Variants in SOX6 observed in about 807,000 individuals in gnomAD.
SOX6 encodes transcription factor SOX-6.
A neutral mutation model predicts 97.8 loss-of-function variants in SOX6; 11 were observed. That is an observed-to-expected ratio of 0.11 (90% CI 0.07 to 0.19). The LOEUF (loss-of-function observed/expected upper bound fraction) is 0.19. Among genes scored for constraint, SOX6 ranks in the 10% least tolerant of loss-of-function variants. SOX6 has a pLI of 1.00. For missense variants in SOX6, 810 were observed against 1,039.5 expected, an observed-to-expected ratio of 0.78 and a Z score of 3.04; for synonymous variants, 360 against 371.4, an observed-to-expected ratio of 0.97 and a Z score of 0.35.
chr11:16,626,075 A>C (rs1163648019), intron 3 of SOX6, among the ~76,000 whole-genome samples: 2 of 152,142 alleles, frequency 1.3e-5, no homozygotes, highest in Non-Finnish European at 2.9e-5. Flanking sequence ...AGCTGATATA[A>C]TCTCTAGGTA....
At chr11:16,255,954 T>C (rs944746958) in intron 3 of SOX6, among the ~76,000 whole-genome samples, 1 of 151,852 alleles carries the variant, frequency 6.6e-6, no homozygotes, top group Non-Finnish European at 1.5e-5. Flanking sequence ...AGCCACAAAC[T>C]TGATAGCCTA....
intron 1 of SOX6, among the ~76,000 whole-genome samples, chr11:16,454,619 C>T (rs190077307): frequency 5.3e-5 from 8 of 152,044 alleles, no homozygotes; most frequent in Non-Finnish European, 5.9e-5. Flanking sequence ...TGTCAAAAGG[C>T]GAGTTGGACT....
chr11:16,389,691 G>T (rs1318119472), intron 1 of SOX6, among the ~76,000 whole-genome samples: 1 of 151,892 alleles, frequency 6.6e-6, no homozygotes, highest in Non-Finnish European at 1.5e-5. Flanking sequence ...GCTTACGGCC[G>T]GGTGCGGTGG....
chr11:16,208,862 A>G (rs927218345), intron 4 of SOX6, among the ~76,000 whole-genome samples: 3 of 152,250 alleles, frequency 2.0e-5, no homozygotes, highest in Non-Finnish European at 2.9e-5. Context: ...GGATTTTAAT[A>G]TCATGTAATA....
intron 1 of SOX6, among the ~76,000 whole-genome samples, chr11:16,378,718 A>C (rs1233581092): frequency 1.3e-5 from 2 of 152,076 alleles, no homozygotes; most frequent in Non-Finnish European, 2.9e-5. Context: ...ATTTCTAAAA[A>C]TGGTTCTAAA....
At chr11:16,067,076 C>T (rs979486271) in intron 9 of SOX6, among the ~76,000 whole-genome samples, 2 of 152,176 alleles carry the variant, frequency 1.3e-5, no homozygotes, top group South Asian at 2.1e-4. Context: ...AATTAACTAA[C>T]TTGCTTCTGA....
At chr11:16,548,766 G>A (rs778324085) in intron 4 of SOX6, among the ~76,000 whole-genome samples, 1 of 152,050 alleles carries the variant, frequency 6.6e-6, no homozygotes, top group Non-Finnish European at 1.5e-5. Flanking sequence ...GTACAACATA[G>A]TGACTATAGT....
rs768216845 is a variant in SOX6 at position 16,318,518 on chromosome 11, C to A, written c.373G>T (p.Gly125Trp). Residue 125 changes from glycine (G) to tryptophan (W), a missense_variant, in exon 3 of 16, where the codon GGG (glycine) becomes TGG (tryptophan). Coordinates refer to ENST00000683767, the MANE Select transcript of SOX6 (RefSeq NM_001367873.1). Reference protein sequence around the residue: ...VTFGTPERRKGSLADVVDTLK... With the variant: ...VTFGTPERRKWSLADVVDTLK... Reference sequence around the variant, plus strand: ...GTGTCCACCACATCGGCAAGACTCCCTTTGCGGCGCTCTGGGGTTCCAAAA... The same window carrying A: ...GTGTCCACCACATCGGCAAGACTCCATTTGCGGCGCTCTGGGGTTCCAAAA... 4.2e-5 allele frequency: 68 copies of A among 1,613,580 alleles called. No individual in the cohort carries two copies. Among genetic ancestry groups the A allele is most frequent in the Non-Finnish European group, 8.5e-7 (1 of 1,179,792 alleles).
chr11:16,425,993 T>C (rs182557418), intron 1 of SOX6, among the ~76,000 whole-genome samples: 1 of 151,746 alleles, frequency 6.6e-6, no homozygotes, highest in Admixed American at 6.6e-5. Context: ...GCAGTGGCTC[T>C]CACCTGTAAT....
intron 1 of SOX6, among the ~76,000 whole-genome samples, chr11:16,384,984 C>T (rs935608760): frequency 6.6e-6 from 1 of 151,968 alleles, no homozygotes; most frequent in South Asian, 2.1e-4. Context: ...AAATCATTTT[C>T]CTGTTTCTTC....
chr11:16,237,450 T>TA (rs1425947762), intron 3 of SOX6, among the ~76,000 whole-genome samples: 3 of 152,012 alleles, frequency 2.0e-5, no homozygotes, highest in Non-Finnish European at 2.9e-5. Flanking sequence ...GGGTACAAAT[T>TA]AAAAGTAAGG....
intron 3 of SOX6, among the ~76,000 whole-genome samples, chr11:16,307,814 C>A (rs1204254626): frequency 6.6e-6 from 1 of 152,076 alleles, no homozygotes; most frequent in African/African-American, 2.4e-5. Flanking sequence ...CTTCATTATA[C>A]CTTCATCAAT....
At chr11:16,486,954 C>A (rs769629661) in intron 4 of SOX6, among the ~76,000 whole-genome samples, 19 of 151,506 alleles carry the variant, frequency 1.3e-4, no homozygotes, top group Non-Finnish European at 2.4e-4. Context: ...CCACACAAAC[C>A]AATCAATTCT....
intron 3 of SOX6, among the ~76,000 whole-genome samples, chr11:16,696,857 T>C (rs1056729561): frequency 5.9e-5 from 9 of 152,286 alleles, no homozygotes; most frequent in East Asian, 1.9e-4. Flanking sequence ...TCATGAAAGA[T>C]TTCTTTGTAG....
At chr11:16,022,790 C>G (rs369912164) in intron 12 of SOX6, among the ~76,000 whole-genome samples, 1 of 152,132 alleles carries the variant, frequency 6.6e-6, no homozygotes. Context: ...CATGTAGGAG[C>G]TGGATAATTA....
At chr11:16,026,478 A>T (rs1430299706) in intron 12 of SOX6, among the ~76,000 whole-genome samples, 5 of 152,296 alleles carry the variant, frequency 3.3e-5, no homozygotes, top group Middle Eastern at 3.4e-3. Context: ...TTTCATCTGA[A>T]TGTGGCTTAA....
intron 4 of SOX6, among the ~76,000 whole-genome samples, chr11:16,486,719 A>G (rs994134297): frequency 6.6e-6 from 1 of 151,870 alleles, no homozygotes; most frequent in Non-Finnish European, 1.5e-5. Context: ...AGATTGGCCG[A>G]GCATGATAGT....
At chr11:16,451,008 T>C (rs953068755) in intron 1 of SOX6, among the ~76,000 whole-genome samples, 2 of 152,022 alleles carry the variant, frequency 1.3e-5, no homozygotes, top group Non-Finnish European at 2.9e-5. Context: ...CTAAGGCAGG[T>C]GGATTGCTTG....
intron 3 of SOX6, among the ~76,000 whole-genome samples, chr11:16,708,222 T>C (rs1848151797): frequency 6.6e-6 from 1 of 152,240 alleles, no homozygotes; most frequent in Non-Finnish European, 1.5e-5. Context: ...TTGAAATTCA[T>C]TGATCTTACG....
Sources: gnomAD v4.1 joint callset for allele counts (sites outside exome capture counted in the v4.1 genomes callset) on GRCh38, gnomAD v4.1.1 for gene constraint, MANE v1.5 for transcripts, NCBI Gene and HGNC (gene_info 2026-07-23, HGNC 2026-07-21) for gene names.